The following TEKT5 variants were observed in gnomAD, a reference collection of about 807,000 sequenced individuals.
TEKT5 encodes tektin-5.
TEKT5 carries 52 observed loss-of-function variants against 48.7 expected under a neutral mutation model. The ratio of observed to expected loss-of-function variants is 1.07; its 90% CI spans 0.86 to 1.35. The LOEUF (loss-of-function observed/expected upper bound fraction) is 1.35. Among genes scored for constraint, TEKT5 ranks in the 40% most tolerant of loss-of-function variants. The pLI, the probability that TEKT5 is intolerant of heterozygous loss-of-function variation, is 0.00. For synonymous variants in TEKT5, 318 were observed against 267.6 expected, an observed-to-expected ratio of 1.19 and a Z score of -1.84; for missense variants, 831 against 641.6, an observed-to-expected ratio of 1.30 and a Z score of -3.19.
At position 10,627,699 on chromosome 16, in the gene TEKT5, A is replaced by C; in HGVS notation, c.1342T>G (p.Cys448Gly). The change falls in exon 7 of 7, where the codon TGC becomes GGC. Residue 448 changes from cysteine (C) to glycine (G), a missense_variant. Coordinates refer to ENST00000283025, the MANE Select transcript of TEKT5 (RefSeq NM_144674.2). The part of the protein sequence containing the change: ...DTLQLLVMTK[C>G]RLEHELAIKA... ...ATGGCGAGCTCGTGCTCCAGCCGGC[A>C]CTTGGTCATGACCAGCAGCTGCAGC... The C allele has an allele frequency of 6.2e-7, 1 of 1,614,236 alleles. No homozygotes were observed. Among genetic ancestry groups the C allele is most frequent in the South Asian group, 1.1e-5 (1 of 91,086 alleles).
At chr16:10,674,788 CAA>C (rs1372864312) in intron 5 of TEKT5, among the ~76,000 whole-genome samples, 3 of 151,608 alleles carry the variant, frequency 2.0e-5, no homozygotes, top group Non-Finnish European at 4.4e-5. Context: ...CTAATCCCCC[CAA>C]AGATAGAGAC....
At chr16:10,691,614 G>C (rs899389788) in intron 1 of TEKT5, among the ~76,000 whole-genome samples, 54 of 152,116 alleles carry the variant, frequency 3.5e-4, no homozygotes, top group African/African-American at 1.2e-3. Context: ...GCGGGGACAG[G>C]GGTTATGGGG....
chr16:10,658,444 T>C (rs572158766), intron 5 of TEKT5, among the ~76,000 whole-genome samples: 6 of 152,122 alleles, frequency 3.9e-5, no homozygotes, highest in Non-Finnish European at 8.8e-5. Context: ...ACCAATACAA[T>C]GGATGAACCT....
intron 5 of TEKT5, among the ~76,000 whole-genome samples, chr16:10,651,925 G>A (rs747688975): frequency 6.6e-6 from 1 of 152,148 alleles, no homozygotes; most frequent in Non-Finnish European, 1.5e-5. Context: ...TGGCACTACT[G>A]CACTCCAGCC....
intron 5 of TEKT5, among the ~76,000 whole-genome samples, chr16:10,648,210 A>C (rs1898100321): frequency 6.6e-6 from 1 of 152,126 alleles, no homozygotes; most frequent in African/African-American, 2.4e-5. Flanking sequence ...TCAAGAGTTT[A>C]CTCCAGGCCA....
intron 1 of TEKT5, among the ~76,000 whole-genome samples, chr16:10,693,207 T>G (rs573826897): frequency 6.6e-6 from 1 of 152,316 alleles, no homozygotes; most frequent in Non-Finnish European, 1.5e-5. Context: ...GAGATTCTTA[T>G]GCTTCAGCCT....
At chr16:10,689,453 G>A (rs528965813) in intron 2 of TEKT5, 130 bp from the exon 3 acceptor site, 40 of 769,438 alleles carry the variant, frequency 5.2e-5, no homozygotes, top group African/African-American at 1.6e-4. Flanking sequence ...AAATGTCAGC[G>A]TGGGGCCCCG....
At position 10,654,179 on chromosome 16, in the gene TEKT5, T is replaced by G. The variant is rs115618524; in HGVS notation, c.1087-18261A>C. Among the ~76,000 whole-genome samples, 1,119 of 152,184 alleles carry G rather than the reference T, an allele frequency of 7.4e-3. 23 individuals carry two copies. Among genetic ancestry groups the G allele is most frequent in the African/African-American group, 0.022 (927 of 41,520 alleles). On this transcript the variant is annotated intron_variant, in intron 5 of 6. Transcript: ENST00000283025. ...GATCCTCCCACTTCAGACTCCCGAG[T>G]TGCTGGAACTACAGGCACATGCTAC...
intron 6 of TEKT5, among the ~76,000 whole-genome samples, chr16:10,635,305 G>T (rs181965057): frequency 4.7e-4 from 71 of 151,940 alleles, no homozygotes; most frequent in African/African-American, 1.7e-3. Context: ...CACCAGCCAG[G>T]AGCTCATGAG....
At chr16:10,674,641 A>G (rs12934761) in intron 5 of TEKT5, among the ~76,000 whole-genome samples, 3 of 132,418 alleles carry the variant, frequency 2.3e-5, no homozygotes, top group African/African-American at 5.3e-5. Context: ...AAAAAAAAAA[A>G]CAGAGAGAGA....
chr16:10,637,174 C>T lies in TEKT5; in HGVS notation c.1087-1256G>A, dbSNP rs530957949. 4.6e-5 allele frequency among the ~76,000 whole-genome samples: 7 copies of T among 151,484 alleles called. No homozygotes were observed. The South Asian group carries it at 1.0e-3, about 23-fold the overall frequency. ...TTTTTTTTTATATTTTTAGTAGAGA[C>T]GGGGTTTCACCGTGTTACCCAGGAT... On this transcript the variant is annotated intron_variant, in intron 5 of 6. Transcript: ENST00000283025.
chr16:10,643,827 C>G (rs1454299673), intron 5 of TEKT5, among the ~76,000 whole-genome samples: 2 of 152,058 alleles, frequency 1.3e-5, no homozygotes, highest in African/African-American at 4.8e-5. Context: ...CACCTGAGGT[C>G]AGAAGTTCCA....
chr16:10,629,891 T>C (rs1441562215), intron 6 of TEKT5, among the ~76,000 whole-genome samples: 1 of 152,116 alleles, frequency 6.6e-6, no homozygotes, highest in Admixed American at 6.6e-5. Context: ...TCCTCACCCC[T>C]CTCCTTCTGA....
chr16:10,670,975 G>C (rs1898539866), intron 5 of TEKT5, among the ~76,000 whole-genome samples: 1 of 151,904 alleles, frequency 6.6e-6, no homozygotes, highest in Non-Finnish European at 1.5e-5. Flanking sequence ...CACGATCATA[G>C]CTCACTGCAG....
intron 1 of TEKT5, chr16:10,690,557 A>G (rs1207368345): frequency 2.0e-6 from 2 of 984,996 alleles, no homozygotes; most frequent in African/African-American, 3.5e-5. Context: ...AGTCGGCTTG[A>G]CAAGTGTAAA....
intron 3 of TEKT5, among the ~76,000 whole-genome samples, chr16:10,687,021 G>T (rs1399402747): frequency 6.6e-6 from 1 of 152,168 alleles, no homozygotes; most frequent in Non-Finnish European, 1.5e-5. Context: ...ACATGTATGT[G>T]GAATCTAAAA....
At chr16:10,672,094 G>C (rs527916218) in intron 5 of TEKT5, among the ~76,000 whole-genome samples, 2 of 152,236 alleles carry the variant, frequency 1.3e-5, no homozygotes, top group East Asian at 3.9e-4. Flanking sequence ...TGTGGTGATG[G>C]ATGCACAATG....
At chr16:10,682,243 C>CCAGTAGCT in intron 3 of TEKT5, 107 bp from the exon 4 acceptor site, 1 of 1,323,596 alleles carries the variant, frequency 7.6e-7, no homozygotes. Flanking sequence ...AGAAAGCCAC[C>CCAGTAGCT]CAGTAGCTTC....
intron 5 of TEKT5, among the ~76,000 whole-genome samples, chr16:10,637,661 T>C (rs753684942): frequency 5.3e-5 from 8 of 152,274 alleles, no homozygotes; most frequent in Non-Finnish European, 1.2e-4. Context: ...GATATAAACA[T>C]AGATGAAAAT....
Sources: allele counts gnomAD v4.1 joint callset (sites outside exome capture counted in the v4.1 genomes callset), GRCh38; gene constraint gnomAD v4.1.1; transcripts MANE v1.5; gene names NCBI Gene and HGNC (gene_info 2026-07-23, HGNC 2026-07-21).